FNIP1: variants seen among roughly 807,000 people sequenced by gnomAD.
FNIP1 encodes the protein folliculin interacting protein 1.
In FNIP1, 40 loss-of-function variants were observed where a neutral mutation model predicts 124.5. That is an observed-to-expected ratio of 0.32 (90% CI 0.25 to 0.42). The LOEUF (loss-of-function observed/expected upper bound fraction) is 0.42. Among genes scored for constraint, FNIP1 ranks in the 10% least tolerant of loss-of-function variants. The probability of loss-of-function intolerance (pLI) is 1.00; values close to 1 mark genes in which losing one functional copy is unlikely to be tolerated. For missense variants in FNIP1, 1,176 were observed against 1,403.7 expected, an observed-to-expected ratio of 0.84 and a Z score of 2.59; for synonymous variants, 472 against 470.6, an observed-to-expected ratio of 1.00 and a Z score of -0.04.
intron 2 of FNIP1, among the ~76,000 whole-genome samples, chr5:131,737,844 G>A (rs1426686417): frequency 6.6e-6 from 1 of 152,154 alleles, no homozygotes; most frequent in Non-Finnish European, 1.5e-5. Context: ...ATGAGGAAAA[G>A]GACTATGTCT....
chr5:131,788,557 T>G (rs6861488), intron 1 of FNIP1, among the ~76,000 whole-genome samples: 11,466 of 151,778 alleles, frequency 0.076, 890 homozygotes, highest in African/African-American at 0.2. Flanking sequence ...CAAAAATTTT[T>G]GGGCGTGGTG....
At chr5:131,757,903 CTAGAGTCA>C (rs1241684086) in intron 1 of FNIP1, among the ~76,000 whole-genome samples, 2 of 152,018 alleles carry the variant, frequency 1.3e-5, no homozygotes, top group Non-Finnish European at 2.9e-5. Context: ...TCAGACATCC[CTAGAGTCA>C]TAAACAAAAA....
intron 10 of FNIP1, among the ~76,000 whole-genome samples, chr5:131,701,815 T>G (rs1052392435): frequency 6.6e-6 from 1 of 152,214 alleles, no homozygotes; most frequent in Admixed American, 6.5e-5. Flanking sequence ...CTCCCCAAAG[T>G]ACAACTTGCA....
rs1408915470 is a variant in FNIP1 at position 131,649,980 on chromosome 5, T to TA, written c.3306+1821dup. The stretch of plus-strand genomic sequence containing the variant: ...CTCCATTCTATTCCATTGGTCTATA[T>TA]ACCTGTCCTTATGCCAGTAGCACAA... On this transcript the variant is annotated intron_variant, in intron 16 of 17. Transcript: ENST00000510461. 2.6e-5 allele frequency among the ~76,000 whole-genome samples: 4 copies of TA among 152,232 alleles called. No homozygotes were observed. The East Asian group carries it at 7.7e-4, about 29-fold the overall frequency.
intron 15 of FNIP1, among the ~76,000 whole-genome samples, chr5:131,663,574 T>G (rs1050196784): frequency 6.6e-6 from 1 of 152,254 alleles, no homozygotes; most frequent in African/African-American, 2.4e-5. Context: ...AAAGTTTATA[T>G]ATTTAGTCTA....
intron 1 of FNIP1, 146 bp from the exon 2 acceptor site, chr5:131,744,836 C>T (rs1580804907): frequency 1.9e-6 from 1 of 518,736 alleles, no homozygotes; most frequent in Non-Finnish European, 2.7e-6. Flanking sequence ...TTAAATATCA[C>T]CAGTTCATGG....
intron 1 of FNIP1, among the ~76,000 whole-genome samples, chr5:131,769,498 C>T (rs1281435152): frequency 6.6e-6 from 1 of 152,174 alleles, no homozygotes; most frequent in Admixed American, 6.5e-5. Context: ...TCCCTAAAAA[C>T]TCCAGTCATG....
chr5:131,794,866 G>A (rs913154941), intron 1 of FNIP1, among the ~76,000 whole-genome samples: 2 of 152,226 alleles, frequency 1.3e-5, no homozygotes, highest in Non-Finnish European at 2.9e-5. Flanking sequence ...CACGGGTGAG[G>A]AGGAGTTAGG....
chr5:131,710,715 A>G, intron 6 of FNIP1, 54 bp from the exon 7 acceptor site: 5 of 1,516,482 alleles, frequency 3.3e-6, no homozygotes, highest in Non-Finnish European at 4.5e-6. Context: ...GAGAAGCCAC[A>G]ATGCGTCAGG....
intron 11 of FNIP1, among the ~76,000 whole-genome samples, chr5:131,688,101 TAA>T (rs200001628): frequency 4.8e-5 from 7 of 145,416 alleles, no homozygotes; most frequent in African/African-American, 1.8e-4. Flanking sequence ...AAATTCAGAC[TAA>T]AAAAAAAAAA....
intron 1 of FNIP1, among the ~76,000 whole-genome samples, chr5:131,792,705 G>A (rs1039445762): frequency 6.6e-6 from 1 of 152,116 alleles, no homozygotes; most frequent in Non-Finnish European, 1.5e-5. Context: ...AAATGCAGTC[G>A]ACACTTTGTG....
intron 1 of FNIP1, among the ~76,000 whole-genome samples, chr5:131,754,737 A>C (rs1346716442): frequency 1.3e-5 from 2 of 152,254 alleles, no homozygotes; most frequent in Non-Finnish European, 1.5e-5. Flanking sequence ...AGACTTCTTC[A>C]TCCAGGCAAT....
chr5:131,721,539 T>C (rs1040829511), intron 3 of FNIP1, among the ~76,000 whole-genome samples: 2 of 152,074 alleles, frequency 1.3e-5, no homozygotes, highest in African/African-American at 4.8e-5. Context: ...TGGATCACGC[T>C]TGTAATACCA....
intron 15 of FNIP1, among the ~76,000 whole-genome samples, chr5:131,652,722 G>C (rs1305772311): frequency 1.3e-5 from 2 of 152,160 alleles, no homozygotes; most frequent in East Asian, 3.9e-4. Context: ...AGCACACTGG[G>C]AGGCTGAGGT....
Position 131,749,646 on chromosome 5 carries a change from C to A in FNIP1, c.93-4956G>T, listed in dbSNP as rs1580808760. ...ACCTCAGGTGATCCGCCTGCCTCGG[C>A]CTCCCAAAGTGCTGGGATTACAGGT... On this transcript the variant is annotated intron_variant, in intron 1 of 17. Coordinates refer to ENST00000510461, the MANE Select transcript of FNIP1 (RefSeq NM_133372.3). Among the ~76,000 whole-genome samples the A allele has an allele frequency of 2.0e-5, 3 of 152,242 alleles. No individual in the cohort carries two copies. The South Asian group carries it at 6.2e-4, about 32-fold the overall frequency.
At chr5:131,695,936 T>G (rs1288941606) in intron 11 of FNIP1, among the ~76,000 whole-genome samples, 1 of 152,232 alleles carries the variant, frequency 6.6e-6, no homozygotes, top group Non-Finnish European at 1.5e-5. Context: ...TACTGAAATA[T>G]CAAATCAATG....
chr5:131,685,927 T>C (rs1768259951), intron 11 of FNIP1, among the ~76,000 whole-genome samples: 1 of 152,204 alleles, frequency 6.6e-6, no homozygotes, highest in Non-Finnish European at 1.5e-5. Flanking sequence ...ACCACTCTAG[T>C]TGTGTGTATG....
chr5:131,713,193 G>A (rs1260035220), intron 6 of FNIP1, among the ~76,000 whole-genome samples: 1 of 151,992 alleles, frequency 6.6e-6, no homozygotes, highest in African/African-American at 2.4e-5. Flanking sequence ...ACAGGCGCCC[G>A]CCACCACGCC....
chr5:131,670,683 A>C, intron 14 of FNIP1, 52 bp from the exon 15 acceptor site: 1 of 1,338,320 alleles, frequency 7.5e-7, no homozygotes. Flanking sequence ...AATATATTTA[A>C]CCAGTAAAAA....
Sources: gnomAD v4.1 joint callset for allele counts (sites outside exome capture counted in the v4.1 genomes callset) on GRCh38, gnomAD v4.1.1 for gene constraint, MANE v1.5 for transcripts, NCBI Gene and HGNC (gene_info 2026-07-23, HGNC 2026-07-21) for gene names.